The following FGF12 variants were observed in gnomAD, a reference collection of about 807,000 sequenced individuals.
FGF12 encodes the protein fibroblast growth factor 12B.
FGF12 carries 14 observed loss-of-function variants against 23.6 expected under a neutral mutation model. That is an observed-to-expected ratio of 0.59 (90% CI 0.39 to 0.93). FGF12 has a LOEUF of 0.93. Among genes scored for constraint, FGF12 ranks in the 40% least tolerant of loss-of-function variants. The probability of loss-of-function intolerance (pLI) is 0.00; values close to 1 mark genes in which losing one functional copy is unlikely to be tolerated. For synonymous variants in FGF12, 62 were observed against 77.3 expected (o/e 0.80, Z 1.04); for missense variants, 175 against 217.8 (o/e 0.80, Z 1.24).
chr3:192,329,078 T>G (rs1044155941), intron 4 of FGF12, among the ~76,000 whole-genome samples: 1 of 152,218 alleles, frequency 6.6e-6, no homozygotes, highest in African/African-American at 2.4e-5. Context: ...TTACTGAGAA[T>G]CTTCCTTTAC....
intron 4 of FGF12, among the ~76,000 whole-genome samples, chr3:192,286,090 G>C (rs28408344): frequency 0.34 from 51,991 of 151,828 alleles, 9,981 homozygotes; most frequent in East Asian, 0.89. Flanking sequence ...TTCCAATAAG[G>C]AGGTGATAAC....
At chr3:192,619,933 C>A (rs1429632869) in intron 2 of FGF12, among the ~76,000 whole-genome samples, 1 of 152,090 alleles carries the variant, frequency 6.6e-6, no homozygotes, top group Non-Finnish European at 1.5e-5. Context: ...TTCTCCTTAA[C>A]CCTTGGGGAC....
chr3:192,433,962 T>C lies in FGF12; in HGVS notation c.14-73424A>G, dbSNP rs186291199. ...TGGCAATGATTTACTAGTAAGTGAC[T>C]GTAAACATAAATGATAATCCTACCA... On this transcript the variant is annotated intron_variant, in intron 2 of 5. Transcript: ENST00000445105. Among the ~76,000 whole-genome samples the C allele has an allele frequency of 3.9e-5, 6 of 152,328 alleles. No homozygotes were observed. In the East Asian group the frequency reaches 9.6e-4, roughly 24 times the overall value.
intron 2 of FGF12, among the ~76,000 whole-genome samples, chr3:192,542,061 C>CG (rs1725382440): frequency 6.9e-6 from 1 of 145,708 alleles, no homozygotes. Flanking sequence ...TTAGTGGAGA[C>CG]GGGGTTTCAC....
chr3:192,369,305 C>T (rs1719119644), intron 2 of FGF12, among the ~76,000 whole-genome samples: 1 of 151,126 alleles, frequency 6.6e-6, no homozygotes, highest in Admixed American at 6.6e-5. Flanking sequence ...TATAATGCCT[C>T]TGGCCTCTAA....
At chr3:192,526,251 A>T (rs1320818764) in intron 2 of FGF12, among the ~76,000 whole-genome samples, 1 of 152,180 alleles carries the variant, frequency 6.6e-6, no homozygotes, top group Non-Finnish European at 1.5e-5. Context: ...TTTGGAGCTT[A>T]CCTGCGCATA....
intron 2 of FGF12, among the ~76,000 whole-genome samples, chr3:192,559,640 T>C (rs1711930427): frequency 6.6e-6 from 1 of 151,554 alleles, no homozygotes. Flanking sequence ...AAACTTAAAG[T>C]ATAATAATAA....
chr3:192,606,795 A>G lies in FGF12; in HGVS notation c.13+120386T>C, dbSNP rs1043511409. On this transcript the variant is annotated intron_variant, in intron 2 of 5. Transcript: ENST00000445105. ...TCTGTTCTATTCTCAAGTCTGGGCT[A>G]TCAAACAGCTTCCAACTGGGAATTC... Among the ~76,000 whole-genome samples, 7 of 152,166 alleles carry G rather than the reference A, an allele frequency of 4.6e-5. No individual in the cohort carries two copies. The South Asian group carries it at 1.4e-3, about 31-fold the overall frequency.
chr3:192,352,489 T>TAA (rs1718272223), intron 3 of FGF12, among the ~76,000 whole-genome samples: 1 of 152,230 alleles, frequency 6.6e-6, no homozygotes, highest in Non-Finnish European at 1.5e-5. Context: ...GACTAGACAT[T>TAA]TTATGAATCA....
rs1713521819 is a variant in FGF12, at chr3:192,143,464, T to C, written c.*545A>G. The stretch of plus-strand genomic sequence containing the variant: ...ATATATTTTATAGGTATTAACATAG[T>C]TTATAATTTGGAAATGTTCAATTTC... On this transcript the variant is annotated 3_prime_UTR_variant, in exon 6 of 6. Coordinates refer to ENST00000445105, the MANE Select transcript of FGF12 (RefSeq NM_004113.6). 2 of 152,186 alleles carry C rather than the reference T, an allele frequency of 1.3e-5. No homozygotes were observed. The highest frequency in any genetic ancestry group is 4.8e-5 in the African/African-American group (2 of 41,436). The allele number at this position is 152,186 out of a possible 1,614,324, so 9.4% of individuals were successfully genotyped here.
At chr3:192,702,608 C>T (rs1042767412) in intron 2 of FGF12, among the ~76,000 whole-genome samples, 5 of 152,040 alleles carry the variant, frequency 3.3e-5, no homozygotes, top group African/African-American at 9.7e-5. Context: ...GCCTGGGCAA[C>T]ATGGCGAAAC....
intron 2 of FGF12, among the ~76,000 whole-genome samples, chr3:192,452,185 A>T (rs1722543319): frequency 6.6e-6 from 1 of 152,186 alleles, no homozygotes; most frequent in Non-Finnish European, 1.5e-5. Flanking sequence ...TATATTTCTC[A>T]GTTGCTAGGA....
chr3:192,575,099 C>A (rs1354351463), intron 2 of FGF12, among the ~76,000 whole-genome samples: 2 of 152,122 alleles, frequency 1.3e-5, no homozygotes, highest in African/African-American at 4.8e-5. Context: ...GCTTTAAAAT[C>A]TCAAATAATT....
chr3:192,702,218 T>A (rs1718320471), intron 2 of FGF12, among the ~76,000 whole-genome samples: 1 of 152,236 alleles, frequency 6.6e-6, no homozygotes, highest in Non-Finnish European at 1.5e-5. Flanking sequence ...AAAGGCTGAA[T>A]TGTAGTTTAT....
intron 2 of FGF12, among the ~76,000 whole-genome samples, chr3:192,583,522 T>G (rs1465828931): frequency 6.6e-6 from 1 of 152,166 alleles, no homozygotes; most frequent in Non-Finnish European, 1.5e-5. Flanking sequence ...ACTTGGATAT[T>G]AAGTCACATA....
At chr3:192,670,140 T>G (rs944807622) in intron 2 of FGF12, among the ~76,000 whole-genome samples, 2 of 152,212 alleles carry the variant, frequency 1.3e-5, no homozygotes, top group Non-Finnish European at 2.9e-5. Context: ...ATTTGCCATA[T>G]ATTGAATGCA....
chr3:192,687,438 G>A (rs1229096999), intron 2 of FGF12, among the ~76,000 whole-genome samples: 1 of 152,098 alleles, frequency 6.6e-6, no homozygotes, highest in Non-Finnish European at 1.5e-5. Flanking sequence ...GCAGAACTTT[G>A]ACTCTGCCTG....
intron 3 of FGF12, among the ~76,000 whole-genome samples, chr3:192,352,251 C>T (rs1056499799): frequency 2.0e-5 from 3 of 152,128 alleles, no homozygotes; most frequent in African/African-American, 7.2e-5. Context: ...TTCACAGTCC[C>T]AGAACAGAGA....
intron 3 of FGF12, among the ~76,000 whole-genome samples, chr3:192,346,130 T>C (rs993835651): frequency 3.9e-5 from 6 of 152,172 alleles, no homozygotes; most frequent in African/African-American, 1.4e-4. Flanking sequence ...ATGTCTACTA[T>C]AAACTCCAGT....
Sources: allele counts gnomAD v4.1 joint callset (sites outside exome capture counted in the v4.1 genomes callset), GRCh38; gene constraint gnomAD v4.1.1; transcripts MANE v1.5; gene names NCBI Gene and HGNC (gene_info 2026-07-23, HGNC 2026-07-21).